The following FAM20C variants were observed in gnomAD, a reference collection of about 807,000 sequenced individuals.
The protein encoded by FAM20C is FAM20C golgi associated secretory pathway kinase, also known as extracellular serine/threonine protein kinase FAM20C.
FAM20C carries 40 observed loss-of-function variants against 51.5 expected under a neutral mutation model. The observed-to-expected ratio is 0.78, with a 90% CI of 0.60 to 1.01. FAM20C has a LOEUF of 1.01. Ranked by LOEUF, FAM20C falls within the 50% of genes least tolerant of loss-of-function variation. The pLI, the probability that FAM20C is intolerant of heterozygous loss-of-function variation, is 0.00. For synonymous variants in FAM20C, 406 were observed against 380.6 expected (o/e 1.07, Z -0.78); for missense variants, 861 against 844.7 (o/e 1.02, Z -0.24).
chr7:242,235 T>G (rs1263411320), intron 3 of FAM20C, among the ~76,000 whole-genome samples: 1 of 152,204 alleles, frequency 6.6e-6, no homozygotes, highest in Non-Finnish European at 1.5e-5. Flanking sequence ...TTTCTCCCTC[T>G]GGGGTTTGGA....
At chr7:254,119 G>A (rs180716864) in intron 5 of FAM20C, among the ~76,000 whole-genome samples, 135 of 152,274 alleles carry the variant, frequency 8.9e-4, no homozygotes, top group African/African-American at 2.6e-3. Flanking sequence ...CAGACCAGCC[G>A]GGACCTGCCG....
Position 256,042 on chromosome 7 carries a change from C to A in FAM20C, c.1253+13C>A. 5 of 1,532,638 alleles carry A rather than the reference C, an allele frequency of 3.3e-6. No individual in the cohort carries two copies. Among genetic ancestry groups the A allele is most frequent in the Non-Finnish European group, 4.4e-6 (5 of 1,145,134 alleles). The allele number at this position is 1,532,638 out of a possible 1,614,324, so 94.9% of individuals were successfully genotyped here. On this transcript the variant is annotated intron_variant, in intron 6 of 9. Transcript: ENST00000313766. ...GCAAGAAGGCCGAGTGAGTGCGGGG[C>A]CGGGGGGCTGGCGTCCGGCCACCCT...
Position 217,144 on chromosome 7 carries a change from A to C in FAM20C, c.863+8168A>C, listed in dbSNP as rs28696781. ...TCAGCGGCCCCCCAGGGGTGAGCAG[A>C]TGCAGCTCAGACAAACCTTTCCCAG... On this transcript the variant is annotated intron_variant, in intron 3 of 9. Transcript: ENST00000313766. 5.9e-5 allele frequency among the ~76,000 whole-genome samples: 9 copies of C among 152,094 alleles called. 1 individual carries two copies. The highest frequency in any genetic ancestry group is 1.9e-4 in the African/African-American group (8 of 41,380).
Position 259,860 on chromosome 7 carries a change from C to T in FAM20C, c.1635C>T (p.Ala545=), listed in dbSNP as rs1324174383. 6.5e-6 allele frequency: 10 copies of T among 1,536,282 alleles called. No individual in the cohort carries two copies. The highest frequency in any genetic ancestry group is 1.2e-5 in the South Asian group (1 of 84,052). The change falls in exon 10 of 10, where the codon GCC becomes GCT. Residue 545 remains alanine, a synonymous_variant. Coordinates refer to ENST00000313766, the MANE Select transcript of FAM20C (RefSeq NM_020223.4). The part of the protein sequence containing the change: ...APVLYQPHLE[A]LDRRLRVVLK... ...TGCTGTACCAGCCGCACCTGGAGGC[C>T]CTGGACCGGCGGCTCCGCGTCGTGC...
intron 2 of FAM20C, among the ~76,000 whole-genome samples, chr7:207,970 T>C (rs1289751932): frequency 6.6e-6 from 1 of 152,220 alleles, no homozygotes; most frequent in African/African-American, 2.4e-5. Context: ...GGGAGGCTAC[T>C]GGAGGCTTCC....
chr7:195,485 C>A, intron 1 of FAM20C, 69 bp from the exon 2 acceptor site: 1 of 1,346,806 alleles, frequency 7.4e-7, no homozygotes, highest in Non-Finnish European at 9.6e-7. Context: ...CGTCGGTGCC[C>A]TCTCCCCGTC....
Position 256,619 on chromosome 7 carries a change from G to A in FAM20C, c.1254-35G>A, listed in dbSNP as rs1339447940. 3 of 1,504,634 alleles carry A rather than the reference G, an allele frequency of 2.0e-6. No homozygotes were observed. The East Asian group carries it at 7.4e-5, about 37-fold the overall frequency. 93.2% of individuals were successfully genotyped at this position (1,504,634 alleles called of 1,614,324 possible). ...CACGCGCCGGGCTCCCCAGAATCTG[G>A]CCTGGGCCCCCCGTCTCACGCTGGC... On this transcript the variant is annotated intron_variant, in intron 6 of 9. Coordinates refer to ENST00000313766, the MANE Select transcript of FAM20C (RefSeq NM_020223.4).
rs1788746590 is a variant in FAM20C at position 258,697 on chromosome 7, G to C, written c.1497G>C (p.Gln499His). 1 of 1,536,270 alleles carries C rather than the reference G, an allele frequency of 6.5e-7. No homozygotes were observed. Among genetic ancestry groups the C allele is most frequent in the Non-Finnish European group, 8.7e-7 (1 of 1,146,282 alleles). The change falls in exon 9 of 10, where the codon CAG becomes CAC. Residue 499 changes from glutamine (Q) to histidine (H), a missense_variant. Gln to His is a conservative substitution (Grantham distance 24). Coordinates refer to ENST00000313766, the MANE Select transcript of FAM20C (RefSeq NM_020223.4). Reference protein sequence around the residue: ...DELSILVPLQQCCRIRKSTYL... With the variant: ...DELSILVPLQHCCRIRKSTYL... ...TCTCCATCCTGGTGCCGCTACAGCA[G>C]TGCTGCAGGTACAGCCCCTGCCGGA...
chr7:229,709 G>A (rs1351755405), intron 3 of FAM20C, among the ~76,000 whole-genome samples: 2 of 152,222 alleles, frequency 1.3e-5, no homozygotes, highest in African/African-American at 4.8e-5. Flanking sequence ...GTCACTGCCA[G>A]GGAGAGCCCC....
Position 256,738 on chromosome 7 carries a change from C to A in FAM20C, c.1338C>A (p.Asp446Glu). Residue 446 changes from aspartate (D) to glutamate (E), a missense_variant, in exon 7 of 10, where the codon GAC becomes GAA. Asp to Glu is a conservative substitution (Grantham distance 45). Around this residue, in one of 3 missense-constraint regions of FAM20C, gnomAD observed 269 missense variants for 283.8 expected, o/e 0.95. Transcript: ENST00000313766. ...DSSHRILDVM[D>E]MTIFDFLMGN... Reference sequence around the variant, plus strand: ...GCCACCGCATCCTGGACGTCATGGACATGACGATCTTCGACTTCCTCATGG... The same window carrying A: ...GCCACCGCATCCTGGACGTCATGGAAATGACGATCTTCGACTTCCTCATGG... The A allele has an allele frequency of 1.3e-6, 2 of 1,536,194 alleles. No homozygotes were observed. Among genetic ancestry groups the A allele is most frequent in the South Asian group, 1.2e-5 (1 of 84,064 alleles).
At chr7:217,538 A>G (rs979644665) in intron 3 of FAM20C, among the ~76,000 whole-genome samples, 2 of 96,066 alleles carry the variant, frequency 2.1e-5, no homozygotes, top group African/African-American at 7.8e-5. Context: ...GCTTGAGGTT[A>G]GGTGTGTCCC....
At chr7:223,743 G>A (rs1369221803) in intron 3 of FAM20C, among the ~76,000 whole-genome samples, 1 of 152,244 alleles carries the variant, frequency 6.6e-6, no homozygotes, top group Non-Finnish European at 1.5e-5. Context: ...GCCGGCCCCA[G>A]GTAGAGGACG....
In FAM20C at chr7:241,229, G is replaced by A. The variant is rs1441132919; in HGVS notation, c.864-5186G>A. 3.3e-5 allele frequency among the ~76,000 whole-genome samples: 5 copies of A among 152,252 alleles called. No individual in the cohort carries two copies. The East Asian group carries it at 7.7e-4, about 24-fold the overall frequency. On this transcript the variant is annotated intron_variant, in intron 3 of 9. Coordinates refer to ENST00000313766, the MANE Select transcript of FAM20C (RefSeq NM_020223.4). ...GCCCAGCTGTGGCAGGAAGTGGCCC[G>A]AGGGCCTCGGGAGCGGAGCCCAGAG...
At chr7:222,417 C>G (rs1049114754) in intron 3 of FAM20C, among the ~76,000 whole-genome samples, 2 of 152,076 alleles carry the variant, frequency 1.3e-5, no homozygotes, top group South Asian at 4.1e-4. Context: ...CTTGCAGGCC[C>G]TCAGTAAGGG....
intron 3 of FAM20C, among the ~76,000 whole-genome samples, chr7:230,052 C>T (rs538953406): frequency 6.6e-6 from 1 of 152,216 alleles, no homozygotes; most frequent in African/African-American, 2.4e-5. Flanking sequence ...CCGAGTATCT[C>T]GGGCCCCGGC....
In FAM20C at chr7:256,685, G is replaced by A. The variant is rs1308986798; in HGVS notation, c.1285G>A (p.Val429Met). 7 of 1,536,020 alleles carry A rather than the reference G, an allele frequency of 4.6e-6. No homozygotes were observed. In the African/African-American group the frequency reaches 5.5e-5, roughly 12 times the overall value. Reference sequence around the variant, plus strand: ...GGTGGACCCTGACTACTGCGAGGAGGTGAAGCAGACACCGCCCTACGACAG... The same window carrying A: ...GGTGGACCCTGACTACTGCGAGGAGATGAAGCAGACACCGCCCTACGACAG... ...WEVDPDYCEEVKQTPPYDSSH... is the reference protein window; with the variant it reads ...WEVDPDYCEEMKQTPPYDSSH... Residue 429 changes from valine to methionine, a missense_variant, in exon 7 of 10, where the codon GTG (valine) becomes ATG (methionine). Physicochemically the swap from Val to Met is conservative, Grantham distance 21. This residue lies in a region of FAM20C where 269 missense variants were observed against 283.8 expected (regional missense o/e 0.95). Transcript: ENST00000313766.
chr7:246,362 C>T, intron 3 of FAM20C, 53 bp from the exon 4 acceptor site: 1 of 1,444,762 alleles, frequency 6.9e-7, no homozygotes, highest in Non-Finnish European at 9.4e-7. Context: ...GCCTCCGGCC[C>T]CTGGAGGCTT....
At chr7:250,373 G>A (rs1158863728) in intron 5 of FAM20C, among the ~76,000 whole-genome samples, 4 of 152,032 alleles carry the variant, frequency 2.6e-5, no homozygotes, top group Admixed American at 6.6e-5. Flanking sequence ...CCACAGAGGC[G>A]GGAAGAAGGG....
intron 3 of FAM20C, among the ~76,000 whole-genome samples, chr7:224,351 G>A (rs535985202): frequency 8.9e-4 from 19 of 21,260 alleles, no homozygotes; most frequent in African/African-American, 3.2e-3. Context: ...CTTCTCTCAC[G>A]GAGCAGAACG....
Sources: gnomAD v4.1 joint callset for allele counts (sites outside exome capture counted in the v4.1 genomes callset) on GRCh38, gnomAD v4.1.1 for gene constraint, gnomAD v4.1.1 regional missense constraint, MANE v1.5 for transcripts, NCBI Gene and HGNC (gene_info 2026-07-23, HGNC 2026-07-21) for gene names.